Variants in DPP10 observed in about 807,000 individuals in gnomAD.
The protein encoded by DPP10 is inactive dipeptidyl peptidase 10.
DPP10 carries 33 observed loss-of-function variants against 120.9 expected under a neutral mutation model. The ratio of observed to expected loss-of-function variants is 0.27; its 90% CI spans 0.21 to 0.37. The LOEUF (loss-of-function observed/expected upper bound fraction) is 0.37, where lower values mean the gene tolerates loss of function less well. DPP10 is among the 10% of genes least tolerant of loss of function. DPP10 has a pLI of 1.00. For synonymous variants in DPP10, 337 were observed against 326.1 expected (o/e 1.03, Z -0.36); for missense variants, 816 against 942.8 (o/e 0.87, Z 1.76).
chr2:115,265,468 T>C (rs1372182455), intron 1 of DPP10, among the ~76,000 whole-genome samples: 1 of 151,992 alleles, frequency 6.6e-6, no homozygotes, highest in Admixed American at 6.6e-5. Context: ...CCTGGCAGAT[T>C]ATAAGAAATA....
chr2:114,801,476 G>T lies in DPP10; in HGVS notation c.60+358638G>T, dbSNP rs547951380. Among the ~76,000 whole-genome samples, 29 of 152,232 alleles carry T rather than the reference G, an allele frequency of 1.9e-4. 2 individuals carry two copies. Among genetic ancestry groups the T allele is most frequent in the African/African-American group, 7.0e-4 (29 of 41,534 alleles). ...GGAATTAACCTACTTGGGGTTTGGA[G>T]TCTGGCTCTATAAAACTATTTGTGT... On this transcript the variant is annotated intron_variant, in intron 1 of 25. Coordinates refer to ENST00000410059, the MANE Select transcript of DPP10 (RefSeq NM_020868.6).
intron 1 of DPP10, among the ~76,000 whole-genome samples, chr2:114,751,185 T>C (rs1441943896): frequency 2.0e-5 from 3 of 152,218 alleles, no homozygotes; most frequent in Non-Finnish European, 2.9e-5. Flanking sequence ...GGAGAGACAC[T>C]TCTGATTATC....
At chr2:115,463,692 T>G (rs1028959623) in intron 3 of DPP10, among the ~76,000 whole-genome samples, 1 of 152,166 alleles carries the variant, frequency 6.6e-6, no homozygotes. Context: ...CACATTAGTC[T>G]ATAATGCTGT....
chr2:115,676,366 A>G (rs1191690337), intron 5 of DPP10, among the ~76,000 whole-genome samples: 1 of 152,188 alleles, frequency 6.6e-6, no homozygotes, highest in African/African-American at 2.4e-5. Flanking sequence ...TAGGACACAC[A>G]TAGAGAAAAA....
In DPP10 at chr2:115,804,251, G is replaced by A. The variant is rs535795252; in HGVS notation, c.1701-10542G>A. 4.6e-5 allele frequency among the ~76,000 whole-genome samples: 7 copies of A among 152,208 alleles called. No individual in the cohort carries two copies. The South Asian group carries it at 6.2e-4, about 14-fold the overall frequency. ...TTACTGAGGCTTGTGCATTCGTCAC[G>A]TAGTTCTCGTGCCTTGGTTTTCAGC... is the stretch of plus-strand genomic sequence containing the variant. On this transcript the variant is annotated intron_variant, in intron 19 of 25. Coordinates refer to ENST00000410059, the MANE Select transcript of DPP10 (RefSeq NM_020868.6).
Position 115,626,548 on chromosome 2 carries a change from G to GT in DPP10, c.442-63133dup, listed in dbSNP as rs201473299. On this transcript the variant is annotated intron_variant, in intron 5 of 25. Transcript: ENST00000410059. ...AACTGCAAAAATATCATTAGCTCTT[G>GT]TTTTTTATTATAGTTGTATTGGTGT... is the stretch of plus-strand genomic sequence containing the variant. Among the ~76,000 whole-genome samples, 3 of 151,698 alleles carry GT rather than the reference G, an allele frequency of 2.0e-5. No homozygotes were observed. In the East Asian group the frequency reaches 5.8e-4, roughly 29 times the overall value.
intron 5 of DPP10, among the ~76,000 whole-genome samples, chr2:115,559,234 C>T (rs1281832123): frequency 6.6e-6 from 1 of 151,970 alleles, no homozygotes; most frequent in East Asian, 1.9e-4. Flanking sequence ...GATGAGTGCT[C>T]CAGTGAAAAT....
At chr2:115,673,392 A>T (rs1332042933) in intron 5 of DPP10, among the ~76,000 whole-genome samples, 3 of 152,200 alleles carry the variant, frequency 2.0e-5, no homozygotes, top group Non-Finnish European at 2.9e-5. Flanking sequence ...ATTATAAGAA[A>T]TATTCTCTAT....
At chr2:114,852,773 A>G (rs187984123) in intron 1 of DPP10, among the ~76,000 whole-genome samples, 13 of 152,286 alleles carry the variant, frequency 8.5e-5, no homozygotes, top group African/African-American at 2.6e-4. Flanking sequence ...TCAATTATGT[A>G]TTCTAACACC....
chr2:114,973,243 A>G (rs1407110428), intron 1 of DPP10, among the ~76,000 whole-genome samples: 1 of 152,092 alleles, frequency 6.6e-6, no homozygotes, highest in Non-Finnish European at 1.5e-5. Context: ...TGCCAGTCAT[A>G]TAAAAGTATA....
rs143181619 is a variant in DPP10 at position 115,137,471 on chromosome 2, G to T, written c.61-171768G>T. 2.8e-3 allele frequency among the ~76,000 whole-genome samples: 428 copies of T among 152,280 alleles called. 1 individual carries two copies. Among genetic ancestry groups the T allele is most frequent in the African/African-American group, 9.6e-3 (398 of 41,560 alleles). ...ATGAACAACTATCCACCCTGCAGAG[G>T]ATAGCGACATAGGGAGAGAAATGCG... On this transcript the variant is annotated intron_variant, in intron 1 of 25. Transcript: ENST00000410059.
chr2:115,788,144 A>T (rs929161020), intron 17 of DPP10, among the ~76,000 whole-genome samples: 1 of 152,132 alleles, frequency 6.6e-6, no homozygotes, highest in African/African-American at 2.4e-5. Flanking sequence ...GAAGATGAAA[A>T]CACATCAGAT....
chr2:114,897,689 A>G (rs1693145633), intron 1 of DPP10, among the ~76,000 whole-genome samples: 1 of 152,146 alleles, frequency 6.6e-6, no homozygotes, highest in African/African-American at 2.4e-5. Context: ...TGGGCGAAGG[A>G]CATGAACAGA....
At chr2:115,627,546 C>G (rs2085462918) in intron 5 of DPP10, among the ~76,000 whole-genome samples, 1 of 152,080 alleles carries the variant, frequency 6.6e-6, no homozygotes, top group African/African-American at 2.4e-5. Context: ...ATTTTAAGTT[C>G]TGGGATACAT....
intron 1 of DPP10, among the ~76,000 whole-genome samples, chr2:115,077,781 T>C (rs1707923961): frequency 6.6e-6 from 1 of 152,250 alleles, no homozygotes; most frequent in Non-Finnish European, 1.5e-5. Flanking sequence ...ACTTGTTTAC[T>C]CTAACATCTC....
chr2:114,611,064 C>T (rs913986210), intron 1 of DPP10, among the ~76,000 whole-genome samples: 5 of 152,030 alleles, frequency 3.3e-5, no homozygotes, highest in African/African-American at 1.2e-4. Flanking sequence ...CCAGCACTCG[C>T]TACCTACACT....
At chr2:115,368,891 T>A (rs2065236198) in intron 3 of DPP10, among the ~76,000 whole-genome samples, 1 of 151,926 alleles carries the variant, frequency 6.6e-6, no homozygotes, top group African/African-American at 2.4e-5. Flanking sequence ...CAAACTTCTT[T>A]TCTATGGTAA....
chr2:115,376,099 T>C (rs1484790997), intron 3 of DPP10, among the ~76,000 whole-genome samples: 1 of 152,182 alleles, frequency 6.6e-6, no homozygotes, highest in African/African-American at 2.4e-5. Flanking sequence ...TAAAATTGTC[T>C]TGGTGGAGCT....
intron 21 of DPP10, among the ~76,000 whole-genome samples, chr2:115,817,970 A>T (rs566285856): frequency 1.3e-5 from 2 of 152,196 alleles, no homozygotes; most frequent in African/African-American, 4.8e-5. Context: ...TGGATATATA[A>T]TAATGGCAAG....
Sources: gnomAD v4.1 joint callset for allele counts (sites outside exome capture counted in the v4.1 genomes callset) on GRCh38, gnomAD v4.1.1 for gene constraint, MANE v1.5 for transcripts, NCBI Gene and HGNC (gene_info 2026-07-23, HGNC 2026-07-21) for gene names.